The following PLCB1 variants were observed in gnomAD, a reference collection of about 807,000 sequenced individuals.
PLCB1 encodes the protein 1-phosphatidylinositol 4,5-bisphosphate phosphodiesterase beta-1.
In PLCB1, 46 loss-of-function variants were observed where a neutral mutation model predicts 161.8. The ratio of observed to expected loss-of-function variants is 0.28; its 90% CI spans 0.22 to 0.36. The LOEUF (loss-of-function observed/expected upper bound fraction) is 0.36. Among genes scored for constraint, PLCB1 ranks in the 10% least tolerant of loss-of-function variants. The pLI is 1.00. For missense variants in PLCB1, 1,016 were observed against 1,472.5 expected, an observed-to-expected ratio of 0.69 and a Z score of 5.07; for synonymous variants, 517 against 503.7, an observed-to-expected ratio of 1.03 and a Z score of -0.35.
chr20:8,753,708 G>A (rs945877923), intron 23 of PLCB1, among the ~76,000 whole-genome samples: 2 of 152,182 alleles, frequency 1.3e-5, no homozygotes, highest in African/African-American at 4.8e-5. Context: ...AATGCAGTCT[G>A]AAGATGTGCT....
At chr20:8,792,483 A>G in intron 31 of PLCB1, 1 of 466,798 alleles carries the variant, frequency 2.1e-6, no homozygotes, top group South Asian at 1.6e-5. Context: ...AGCCATGTTT[A>G]TAACAATTTT....
chr20:8,156,440 T>C (rs932203559), intron 2 of PLCB1, among the ~76,000 whole-genome samples: 2 of 152,228 alleles, frequency 1.3e-5, no homozygotes, highest in African/African-American at 4.8e-5. Flanking sequence ...CTACTTTTAC[T>C]AGAATCCTTA....
At chr20:8,488,364 G>C (rs769845125) in intron 3 of PLCB1, among the ~76,000 whole-genome samples, 2 of 152,094 alleles carry the variant, frequency 1.3e-5, no homozygotes, top group Non-Finnish European at 2.9e-5. Flanking sequence ...ATCTTTGCCA[G>C]CTCCTTCCTC....
chr20:8,136,506 G>A (rs1039502878), intron 1 of PLCB1, among the ~76,000 whole-genome samples: 1 of 151,832 alleles, frequency 6.6e-6, no homozygotes, highest in Non-Finnish European at 1.5e-5. Context: ...GGCGCCTGTA[G>A]TCCCAGCTGC....
chr20:8,432,204 C>T (rs750981742), intron 3 of PLCB1, among the ~76,000 whole-genome samples: 5 of 152,132 alleles, frequency 3.3e-5, no homozygotes, highest in East Asian at 1.9e-4. Flanking sequence ...AGGGACGCTC[C>T]GCAAGGCCAG....
intron 31 of PLCB1, among the ~76,000 whole-genome samples, chr20:8,866,335 G>A (rs181147835): frequency 4.3e-4 from 66 of 152,270 alleles, no homozygotes; most frequent in Middle Eastern, 3.4e-3. Context: ...AGACACCAGC[G>A]CAATGTGGTT....
At chr20:8,671,894 A>C (rs1053627584) in intron 9 of PLCB1, among the ~76,000 whole-genome samples, 6 of 152,214 alleles carry the variant, frequency 3.9e-5, no homozygotes, top group African/African-American at 1.4e-4. Context: ...ACAAGTTGCT[A>C]ACATCTCTAA....
intron 3 of PLCB1, among the ~76,000 whole-genome samples, chr20:8,536,183 C>T (rs763050879): frequency 2.2e-4 from 34 of 151,964 alleles, no homozygotes; most frequent in Non-Finnish European, 4.7e-4. Flanking sequence ...TTTCTCTTCT[C>T]TAGTTTCCAG....
intron 31 of PLCB1, among the ~76,000 whole-genome samples, chr20:8,865,591 A>T (rs6118362): frequency 0.43 from 65,832 of 152,038 alleles, 15,665 homozygotes; most frequent in East Asian, 0.78. Context: ...CCAACATAAG[A>T]GTTTCCAGTT....
chr20:8,480,536 C>G (rs1020157791), intron 3 of PLCB1, among the ~76,000 whole-genome samples: 1 of 152,096 alleles, frequency 6.6e-6, no homozygotes, highest in Non-Finnish European at 1.5e-5. Flanking sequence ...CAGATTACAG[C>G]CTTTGGGTGT....
At chr20:8,860,762 T>A (rs1987228290) in intron 31 of PLCB1, among the ~76,000 whole-genome samples, 1 of 152,254 alleles carries the variant, frequency 6.6e-6, no homozygotes, top group Non-Finnish European at 1.5e-5. Flanking sequence ...AGCTCCCTGA[T>A]GTCTAAAGAA....
chr20:8,712,074 T>C (rs924010065), intron 12 of PLCB1, among the ~76,000 whole-genome samples: 5 of 152,094 alleles, frequency 3.3e-5, no homozygotes, highest in African/African-American at 1.2e-4. Flanking sequence ...AGGCCGAGAC[T>C]GGTGGATCAT....
chr20:8,673,254 ATTC>A (rs200402045), intron 9 of PLCB1, among the ~76,000 whole-genome samples: 2,870 of 152,308 alleles, frequency 0.019, 73 homozygotes, highest in African/African-American at 0.057. Flanking sequence ...GGCTGAGCAA[ATTC>A]GGAAGCTAAG....
intron 2 of PLCB1, among the ~76,000 whole-genome samples, chr20:8,314,913 A>G (rs2122136070): frequency 6.6e-6 from 1 of 152,266 alleles, no homozygotes; most frequent in South Asian, 2.1e-4. Flanking sequence ...GTCATATTTA[A>G]TTAGAGACAC....
At chr20:8,425,436 G>C (rs1450907819) in intron 3 of PLCB1, among the ~76,000 whole-genome samples, 1 of 152,106 alleles carries the variant, frequency 6.6e-6, no homozygotes, top group Admixed American at 6.5e-5. Flanking sequence ...CTATGGCAGT[G>C]CTTCTAAAAC....
At chr20:8,311,704 G>C (rs1160883542) in intron 2 of PLCB1, among the ~76,000 whole-genome samples, 3 of 152,146 alleles carry the variant, frequency 2.0e-5, no homozygotes, top group Non-Finnish European at 4.4e-5. Flanking sequence ...GTGATCTTTT[G>C]CCCTTACCAG....
At chr20:8,839,472 G>A (rs956792637) in intron 31 of PLCB1, among the ~76,000 whole-genome samples, 1 of 152,068 alleles carries the variant, frequency 6.6e-6, no homozygotes, top group Non-Finnish European at 1.5e-5. Context: ...CTGTCACTTG[G>A]GCCATATGAT....
At chr20:8,215,324 GA>G (rs890933266) in intron 2 of PLCB1, among the ~76,000 whole-genome samples, 11 of 148,926 alleles carry the variant, frequency 7.4e-5, no homozygotes, top group Middle Eastern at 3.4e-3. Context: ...AGCTAACAGA[GA>G]AAAAAAAAAG....
chr20:8,465,802 A>G (rs571636482), intron 3 of PLCB1, among the ~76,000 whole-genome samples: 7 of 151,364 alleles, frequency 4.6e-5, no homozygotes, highest in East Asian at 2.0e-4. Context: ...TAGAATGGCA[A>G]TCATTAAAAA....
Sources: gnomAD v4.1 joint callset for allele counts (sites outside exome capture counted in the v4.1 genomes callset) on GRCh38, gnomAD v4.1.1 for gene constraint, MANE v1.5 for transcripts, NCBI Gene and HGNC (gene_info 2026-07-23, HGNC 2026-07-21) for gene names.